LRMDA: variants seen among roughly 807,000 people sequenced by gnomAD.
LRMDA encodes leucine rich melanocyte differentiation associated, also known as leucine-rich melanocyte differentiation-associated protein.
A neutral mutation model predicts 29.8 loss-of-function variants in LRMDA; 18 were observed. The observed-to-expected ratio is 0.60, with a 90% confidence interval of 0.42 to 0.90. The LOEUF is 0.90. Ranked by LOEUF, LRMDA falls within the 40% of genes least tolerant of loss-of-function variation. The probability of loss-of-function intolerance (pLI) is 0.00; values close to 1 mark genes in which losing one functional copy is unlikely to be tolerated. For missense variants in LRMDA, 273 were observed against 273.9 expected, an observed-to-expected ratio of 1.00 and a Z score of 0.02; for synonymous variants, 125 against 109.4, an observed-to-expected ratio of 1.14 and a Z score of -0.89.
chr10:75,458,337 G>C (rs955654933), intron 2 of LRMDA, among the ~76,000 whole-genome samples: 1 of 152,176 alleles, frequency 6.6e-6, no homozygotes, highest in Non-Finnish European at 1.5e-5. Context: ...TTAGGGCTCT[G>C]TGGGGGGTCT....
At chr10:76,188,535 C>T (rs189438817) in intron 5 of LRMDA, among the ~76,000 whole-genome samples, 2 of 152,272 alleles carry the variant, frequency 1.3e-5, no homozygotes, top group East Asian at 3.9e-4. Context: ...TCTTGCGGGG[C>T]CTTTGTATCC....
In LRMDA at chr10:76,558,925, GTT is replaced by G. The variant is rs1279833145; in HGVS notation, c.*1639_*1640del. The G allele has an allele frequency of 6.6e-6, 1 of 152,118 alleles. No homozygotes were observed. The highest frequency in any genetic ancestry group is 1.5e-5 in the Non-Finnish European group (1 of 67,998). The allele number at this position is 152,118 out of a possible 1,614,324, so 9.4% of individuals were successfully genotyped here. ...CATGAAAAATTGGAGAATGTTGAAT[GTT>G]TGCATTTATCTCTCAAATCCATTAG... On this transcript the variant is annotated 3_prime_UTR_variant, in exon 7 of 7. Coordinates refer to ENST00000611255, the MANE Select transcript of LRMDA (RefSeq NM_001305581.2).
chr10:75,957,412 A>G (rs564698538), intron 2 of LRMDA, among the ~76,000 whole-genome samples: 28 of 152,358 alleles, frequency 1.8e-4, no homozygotes, highest in African/African-American at 2.9e-4. Flanking sequence ...AGAAATCTCC[A>G]GTGAGTACCG....
At chr10:75,823,300 A>G (rs1043402485) in intron 2 of LRMDA, among the ~76,000 whole-genome samples, 1 of 152,216 alleles carries the variant, frequency 6.6e-6, no homozygotes, top group African/African-American at 2.4e-5. Flanking sequence ...TGGGCAAAGG[A>G]CACGAACAGA....
At chr10:76,049,185 C>T (rs1848490888) in intron 4 of LRMDA, among the ~76,000 whole-genome samples, 1 of 152,174 alleles carries the variant, frequency 6.6e-6, no homozygotes, top group Non-Finnish European at 1.5e-5. Flanking sequence ...GGGCACCCTC[C>T]AAGCCCATCC....
intron 2 of LRMDA, among the ~76,000 whole-genome samples, chr10:75,831,603 C>T (rs892091313): frequency 2.0e-5 from 3 of 152,152 alleles, no homozygotes; most frequent in Non-Finnish European, 4.4e-5. Flanking sequence ...TCTCATAGTT[C>T]CACTAGGTAG....
At chr10:75,535,292 T>C (rs1362183867) in intron 2 of LRMDA, among the ~76,000 whole-genome samples, 1 of 152,146 alleles carries the variant, frequency 6.6e-6, no homozygotes, top group East Asian at 1.9e-4. Context: ...CAACCTGAAA[T>C]AGTAAGCCTT....
At chr10:75,725,607 T>C (rs1341724850) in intron 2 of LRMDA, among the ~76,000 whole-genome samples, 1 of 152,198 alleles carries the variant, frequency 6.6e-6, no homozygotes, top group African/African-American at 2.4e-5. Context: ...TGACAGGCCA[T>C]TAGGTCTCAC....
intron 2 of LRMDA, among the ~76,000 whole-genome samples, chr10:75,564,808 G>T (rs1256860163): frequency 6.6e-6 from 1 of 152,182 alleles, no homozygotes; most frequent in African/African-American, 2.4e-5. Context: ...ATGGTATGGG[G>T]TGAGGCCTAG....
At chr10:75,791,101 TG>T (rs1317020195) in intron 2 of LRMDA, among the ~76,000 whole-genome samples, 1 of 152,200 alleles carries the variant, frequency 6.6e-6, no homozygotes, top group Admixed American at 6.5e-5. Context: ...TTCCACAGTT[TG>T]GTGAGGCACT....
At chr10:76,491,463 GT>G (rs916789257) in intron 6 of LRMDA, among the ~76,000 whole-genome samples, 34 of 151,740 alleles carry the variant, frequency 2.2e-4, no homozygotes, top group African/African-American at 7.5e-4. Flanking sequence ...TAGCATAAAA[GT>G]TTTTTTTCCT....
intron 2 of LRMDA, among the ~76,000 whole-genome samples, chr10:75,536,501 G>A (rs1464376874): frequency 6.6e-6 from 1 of 152,082 alleles, no homozygotes; most frequent in East Asian, 1.9e-4. Context: ...TTAACCCAAA[G>A]TTGAGGGCTC....
chr10:75,860,657 A>T (rs992986866), intron 2 of LRMDA, among the ~76,000 whole-genome samples: 1 of 152,168 alleles, frequency 6.6e-6, no homozygotes, highest in African/African-American at 2.4e-5. Context: ...TTGAAGCCCA[A>T]TGTTGCTTGT....
intron 5 of LRMDA, among the ~76,000 whole-genome samples, chr10:76,122,502 A>G (rs1230612671): frequency 1.3e-5 from 2 of 152,080 alleles, no homozygotes; most frequent in African/African-American, 4.8e-5. Context: ...GTATATCCTT[A>G]TCTGTAAAAT....
intron 2 of LRMDA, chr10:75,552,633 A>C (rs1840166525): frequency 7.3e-6 from 3 of 410,430 alleles, no homozygotes; most frequent in Admixed American, 6.8e-5. Flanking sequence ...ATTTTGGAAA[A>C]TTCGTAGCTA....
intron 6 of LRMDA, among the ~76,000 whole-genome samples, chr10:76,418,418 A>G (rs1396261905): frequency 6.6e-6 from 1 of 151,894 alleles, no homozygotes; most frequent in Non-Finnish European, 1.5e-5. Context: ...ATTTTTCAAA[A>G]TAGTATGGTA....
intron 5 of LRMDA, chr10:76,270,131 G>T (rs181664366): frequency 6.6e-6 from 1 of 152,216 alleles, no homozygotes; most frequent in Non-Finnish European, 1.5e-5. Flanking sequence ...CCCTACTCTT[G>T]TGGAGTTAAT....
At chr10:76,546,801 A>G (rs765024832) in intron 6 of LRMDA, among the ~76,000 whole-genome samples, 83 of 152,236 alleles carry the variant, frequency 5.5e-4, no homozygotes, top group Non-Finnish European at 1.8e-4. Flanking sequence ...TTTAATAATG[A>G]TATGTTTGAA....
At chr10:75,532,266 G>T (rs1845486213) in intron 2 of LRMDA, among the ~76,000 whole-genome samples, 1 of 152,094 alleles carries the variant, frequency 6.6e-6, no homozygotes, top group Non-Finnish European at 1.5e-5. Context: ...TTGGGGAGAG[G>T]TGACAAAGGC....
Sources: allele counts gnomAD v4.1 joint callset (sites outside exome capture counted in the v4.1 genomes callset), GRCh38; gene constraint gnomAD v4.1.1; transcripts MANE v1.5; gene names NCBI Gene and HGNC (gene_info 2026-07-23, HGNC 2026-07-21).